Variants in MAN2A2 observed in about 807,000 individuals in gnomAD.
MAN2A2 encodes mannosidase alpha class 2A member 2.
A neutral mutation model predicts 126.8 loss-of-function variants in MAN2A2; 79 were observed. The observed-to-expected ratio is 0.62, with a 90% confidence interval of 0.52 to 0.75. MAN2A2 has a LOEUF of 0.75. MAN2A2 is among the 30% of genes least tolerant of loss of function. The probability of loss-of-function intolerance (pLI) is 0.00; values close to 1 mark genes in which losing one functional copy is unlikely to be tolerated. For missense variants in MAN2A2, 1,392 were observed against 1,522.4 expected (o/e 0.91, Z 1.43); for synonymous variants, 671 against 618.7 (o/e 1.08, Z -1.25).
chr15:90,910,473 C>T (rs1229978285), intron 10 of MAN2A2, 28 bp from the exon 11 acceptor site: 1 of 1,611,550 alleles, frequency 6.2e-7, no homozygotes, highest in East Asian at 2.2e-5. Context: ...GTGGTGCAGG[C>T]TGGCAGCTAA....
chr15:90,921,976 G>A lies in MAN2A2; in HGVS notation c.*2189G>A, dbSNP rs901476523. The A allele has an allele frequency of 6.6e-6, 1 of 151,944 alleles. No individual in the cohort carries two copies. The highest frequency in any genetic ancestry group is 2.1e-4 in the South Asian group (1 of 4,822). 9.4% of individuals were successfully genotyped at this position (151,944 alleles called of 1,614,324 possible). ...GTGTCCATACAAATTAGTTCCAGAG[G>A]GAAGATATACCACAAAATTACTCAA... On this transcript the variant is annotated 3_prime_UTR_variant, in exon 23 of 23. Coordinates refer to ENST00000559717, the MANE Select transcript of MAN2A2 (RefSeq NM_006122.4).
chr15:90,916,602 A>G (rs1459922267), intron 20 of MAN2A2: 31 of 1,325,870 alleles, frequency 2.3e-5, no homozygotes, highest in Non-Finnish European at 3.1e-5. Context: ...TTTTTCTCCA[A>G]ACTGGCAGCC....
Position 90,906,834 on chromosome 15 carries a change from G to A in MAN2A2, c.930G>A (p.Leu310=), listed in dbSNP as rs544361877. 2 of 1,614,100 alleles carry A rather than the reference G, an allele frequency of 1.2e-6. No homozygotes were observed. Among genetic ancestry groups the A allele is most frequent in the East Asian group, 4.5e-5 (2 of 44,880 alleles). Residue 310 remains leucine (L), a synonymous_variant, in exon 7 of 23, where the codon CTG becomes CTA. Coordinates refer to ENST00000559717, the MANE Select transcript of MAN2A2 (RefSeq NM_006122.4). The stretch of plus-strand genomic sequence containing the variant: ...GCCGTGCCAACCTCACCAGCATGCT[G>A]ATTCAGAGAGTGCACTATGCCATCA... The part of the protein sequence containing the change: ...LLRRANLTSM[L]IQRVHYAIKK...
chr15:90,909,561 C>T (rs949457048), intron 9 of MAN2A2, 57 bp downstream of exon 9: 68 of 1,521,034 alleles, frequency 4.5e-5, no homozygotes, highest in Middle Eastern at 3.6e-4. Context: ...CATCCCTTCC[C>T]GTGAGACCGT....
Position 90,920,039 on chromosome 15 carries a change from A to T in MAN2A2, c.*252A>T. On this transcript the variant is annotated 3_prime_UTR_variant, in exon 23 of 23. Coordinates refer to ENST00000559717, the MANE Select transcript of MAN2A2 (RefSeq NM_006122.4). ...GCCCTTGGTCAGAGTGGGCAGTGCC[A>T]GGCTCTGCTTTGGGTTGTGAGTGGA... is the stretch of plus-strand genomic sequence containing the variant. 4.3e-6 allele frequency: 2 copies of T among 468,508 alleles called. No homozygotes were observed. Among genetic ancestry groups the T allele is most frequent in the Non-Finnish European group, 7.7e-6 (2 of 260,042 alleles). 29.0% of individuals were successfully genotyped at this position (468,508 alleles called of 1,614,324 possible).
At position 90,905,924 on chromosome 15, in the gene MAN2A2, G is replaced by C; in HGVS notation, c.615G>C (p.Glu205Asp). Residue 205 changes from glutamate (E) to aspartate (D), a missense_variant, in exon 5 of 23, where the codon GAG (glutamate) becomes GAC (aspartate). By Grantham distance (45) the Glu-to-Asp change is conservative (BLOSUM62 2). Coordinates refer to ENST00000559717, the MANE Select transcript of MAN2A2 (RefSeq NM_006122.4). ...ILNSMVSKLQ[E>D]DPRRRFLWAE... ...ATAGCATGGTGTCTAAGCTGCAGGA[G>C]GACCCCCGGCGGCGCTTCCTCTGGG... The C allele has an allele frequency of 6.2e-7, 1 of 1,612,156 alleles. No homozygotes were observed. Among genetic ancestry groups the C allele is most frequent in the Non-Finnish European group, 8.5e-7 (1 of 1,179,172 alleles).
Position 90,910,275 on chromosome 15 carries a change from C to T in MAN2A2, c.1560C>T (p.Val520=), listed in dbSNP as rs558239001. The change falls in exon 10 of 23, where the codon GTC becomes GTT. Residue 520 remains valine (V), a synonymous_variant. Transcript: ENST00000559717. The stretch of plus-strand genomic sequence containing the variant: ...CCTTCTACAAGAGCTTAGACCGAGT[C>T]CTGGAAGCCCACCTGCGGTGAGACC... ...SRPFYKSLDR[V]LEAHLRGAEV... 1.9e-6 allele frequency: 3 copies of T among 1,614,122 alleles called. No homozygotes were observed. Among genetic ancestry groups the T allele is most frequent in the East Asian group, 2.2e-5 (1 of 44,888 alleles).
intron 8 of MAN2A2, among the ~76,000 whole-genome samples, chr15:90,908,443 G>T (rs1404455013): frequency 6.6e-6 from 1 of 152,108 alleles, no homozygotes; most frequent in African/African-American, 2.4e-5. Flanking sequence ...TGTGCCACAG[G>T]GCTGTTTTTC....
At chr15:90,918,135 C>T (rs1234828049) in intron 20 of MAN2A2, 59 bp from the exon 21 acceptor site, 9 of 1,509,778 alleles carry the variant, frequency 6.0e-6, no homozygotes, top group African/African-American at 1.4e-5. Context: ...TATCCTGCCT[C>T]GTCCTCTCCC....
At chr15:90,911,603 T>A in intron 14 of MAN2A2, 53 bp downstream of exon 14, 1 of 1,538,428 alleles carries the variant, frequency 6.5e-7, no homozygotes, top group Non-Finnish European at 8.8e-7. Context: ...CGTGGGCCCC[T>A]CCCCGCCCGG....
chr15:90,911,004 C>T (rs2034684186), intron 12 of MAN2A2, 43 bp downstream of exon 12: 2 of 1,548,630 alleles, frequency 1.3e-6, no homozygotes, highest in East Asian at 2.2e-5. Flanking sequence ...CTGGTGTGTG[C>T]AGGTCCCATC....
intron 17 of MAN2A2, 49 bp downstream of exon 17, chr15:90,913,040 A>C (rs2034887323): frequency 1.4e-6 from 2 of 1,469,790 alleles, no homozygotes; most frequent in Non-Finnish European, 1.9e-6. Context: ...TGGGCTCCAC[A>C]ACTGTGGCGT....
chr15:90,909,094 C>T (rs974552815), intron 8 of MAN2A2, among the ~76,000 whole-genome samples: 3 of 152,034 alleles, frequency 2.0e-5, no homozygotes, highest in Admixed American at 1.3e-4. Flanking sequence ...AACCAGGATC[C>T]CAAAAGATCT....
In MAN2A2 at chr15:90,916,442, TC is replaced by T. The variant is rs2035190445; in HGVS notation, c.2994+188del. 4.6e-6 allele frequency: 5 copies of T among 1,081,392 alleles called. No homozygotes were observed. The East Asian group carries it at 1.3e-4, about 28-fold the overall frequency. 67.0% of individuals were successfully genotyped at this position (1,081,392 alleles called of 1,614,324 possible). On this transcript the variant is annotated intron_variant, in intron 20 of 22. Transcript: ENST00000559717. ...TCCCATCTCACGCAGCCTGGCACCT[TC>T]CTCTCCCAGCAGCGCTCTGTCACCT...
chr15:90,912,832 TG>T (rs747891434), intron 16 of MAN2A2, 44 bp from the exon 17 acceptor site: 31 of 1,575,122 alleles, frequency 2.0e-5, no homozygotes, highest in Non-Finnish European at 2.7e-5. Context: ...CTTCCTGCTT[TG>T]CCCTCTGTGC....
Position 90,904,308 on chromosome 15 carries a change from C to T in MAN2A2, c.101C>T (p.Thr34Ile). The change falls in exon 2 of 23, where the codon ACC becomes ATC. Residue 34 changes from threonine (T) to isoleucine (I), a missense_variant. Thr to Ile is a moderately conservative substitution (Grantham distance 89). Coordinates refer to ENST00000559717, the MANE Select transcript of MAN2A2 (RefSeq NM_006122.4). ...CTGGACCGAGTGCAACACGATCCCA[C>T]CCGACACCAGAATGGTGGGAACTTC... ...LMLDRVQHDP[T>I]RHQNGGNFPR... 2 of 1,614,122 alleles carry T rather than the reference C, an allele frequency of 1.2e-6. No homozygotes were observed. Among genetic ancestry groups the T allele is most frequent in the African/African-American group, 1.3e-5 (1 of 75,042 alleles).
chr15:90,911,536 C>T lies in MAN2A2; in HGVS notation c.2095C>T (p.Pro699Ser). Residue 699 changes from proline to serine, a missense_variant, in exon 14 of 23, where the codon CCT (proline) becomes TCT (serine). Coordinates refer to ENST00000559717, the MANE Select transcript of MAN2A2 (RefSeq NM_006122.4). The stretch of plus-strand genomic sequence containing the variant: ...CTGGAGCTCTGCCACCGAGGCGGTC[C>T]CTGACGTCTACCAGGTGAGGTGTGG... ...AHWSSATEAV[P>S]DVYQVSVPVR... 6.2e-7 allele frequency: 1 copy of T among 1,612,398 alleles called. No homozygotes were observed. Among genetic ancestry groups the T allele is most frequent in the Non-Finnish European group, 8.5e-7 (1 of 1,179,404 alleles).
intron 6 of MAN2A2, 70 bp from the exon 7 acceptor site, chr15:90,906,670 C>T: frequency 6.3e-7 from 1 of 1,583,874 alleles, no homozygotes; most frequent in South Asian, 1.1e-5. Flanking sequence ...GGGGTCCCAG[C>T]ACCTGGAAGG....
At chr15:90,913,016 T>C in intron 17 of MAN2A2, 25 bp downstream of exon 17, 1 of 1,584,792 alleles carries the variant, frequency 6.3e-7, no homozygotes, top group Non-Finnish European at 8.7e-7. Flanking sequence ...TGAGGAAGGG[T>C]CTGGAAGGAG....
Sources: gnomAD v4.1 joint callset for allele counts (sites outside exome capture counted in the v4.1 genomes callset) on GRCh38, gnomAD v4.1.1 for gene constraint, MANE v1.5 for transcripts, NCBI Gene and HGNC (gene_info 2026-07-23, HGNC 2026-07-21) for gene names.